Variants in INPP5F observed in about 807,000 individuals in gnomAD.
The protein encoded by INPP5F is inositol polyphosphate-5-phosphatase F.
A neutral mutation model predicts 137.2 loss-of-function variants in INPP5F; 97 were observed. That is an observed-to-expected ratio of 0.71 (90% CI 0.60 to 0.84). The LOEUF (loss-of-function observed/expected upper bound fraction) is 0.84. INPP5F is among the 40% of genes least tolerant of loss of function. The pLI, the probability that INPP5F is intolerant of heterozygous loss-of-function variation, is 0.00. For synonymous variants in INPP5F, 504 were observed against 476.9 expected (o/e 1.06, Z -0.74); for missense variants, 1,271 against 1,371.9 (o/e 0.93, Z 1.16).
intron 1 of INPP5F, among the ~76,000 whole-genome samples, chr10:119,730,698 A>T (rs1848031524): frequency 6.6e-6 from 1 of 152,218 alleles, no homozygotes; most frequent in Non-Finnish European, 1.5e-5. Flanking sequence ...AGCGACCAAG[A>T]AGAGATCTCA....
Position 119,797,643 on chromosome 10 carries a change from A to T in INPP5F, c.1048+3A>T, listed in dbSNP as rs1302090450. On this transcript the variant is annotated splice_donor_region_variant and intron_variant, in intron 8 of 19. Transcript: ENST00000650623. ...CCCAAGACCGCGGCTGGACAGAAGT[A>T]AGCAGGTCAATTATTGGGTTTGCAA... is the stretch of plus-strand genomic sequence containing the variant. 2.5e-6 allele frequency: 4 copies of T among 1,596,202 alleles called. No homozygotes were observed. Among genetic ancestry groups the T allele is most frequent in the Non-Finnish European group, 3.4e-6 (4 of 1,171,704 alleles).
chr10:119,749,229 G>A (rs1848625117), intron 1 of INPP5F, among the ~76,000 whole-genome samples: 1 of 152,182 alleles, frequency 6.6e-6, no homozygotes, highest in South Asian at 2.1e-4. Context: ...CAGGTCTGGA[G>A]CCTCTGCTGG....
At chr10:119,821,286 T>G (rs950562274) in intron 16 of INPP5F, among the ~76,000 whole-genome samples, 2 of 152,218 alleles carry the variant, frequency 1.3e-5, no homozygotes, top group Non-Finnish European at 2.9e-5. Context: ...GGTATTAAAT[T>G]ACTTACAATT....
In INPP5F at chr10:119,811,929, C is replaced by CT. The variant is rs750784026; in HGVS notation, c.1861dup (p.Trp621LeufsTer5). ...CTGATGATGAGAAGTTCCATGGGGGCTGGGCCCTCATTGACTGTGACCCTA... is the reference window on the plus strand; with the variant it reads ...CTGATGATGAGAAGTTCCATGGGGGCTTGGGCCCTCATTGACTGTGACCCTA... On this transcript the variant is annotated frameshift_variant, in exon 15 of 20. Coordinates refer to ENST00000650623, the MANE Select transcript of INPP5F (RefSeq NM_014937.4). LOFTEE classifies it high-confidence loss of function. 1 of 1,614,126 alleles carries CT rather than the reference C, an allele frequency of 6.2e-7. No individual in the cohort carries two copies. Among genetic ancestry groups the CT allele is most frequent in the Admixed American group, 1.7e-5 (1 of 60,024 alleles).
chr10:119,766,115 C>T (rs1037815323), intron 2 of INPP5F, among the ~76,000 whole-genome samples: 2 of 151,896 alleles, frequency 1.3e-5, no homozygotes, highest in South Asian at 4.2e-4. Flanking sequence ...GCCTGATAAC[C>T]AGGAGCACTG....
chr10:119,812,093 G>A (rs1851060927), intron 15 of INPP5F, 138 bp downstream of exon 15: 2 of 653,682 alleles, frequency 3.1e-6, no homozygotes, highest in African/African-American at 1.8e-5. Context: ...AGCTGGTAGT[G>A]AGGCAAGCTG....
chr10:119,728,532 T>A (rs1405728309), intron 1 of INPP5F, among the ~76,000 whole-genome samples: 2 of 152,210 alleles, frequency 1.3e-5, no homozygotes, highest in East Asian at 1.9e-4. Flanking sequence ...TTCCTACTGG[T>A]TATTTAGCTG....
chr10:119,821,975 T>C (rs777717668), intron 16 of INPP5F, among the ~76,000 whole-genome samples: 5 of 149,310 alleles, frequency 3.3e-5, no homozygotes. Flanking sequence ...TTCAAGTGAT[T>C]CTCCTCCTGG....
At chr10:119,775,010 A>G (rs982352389) in intron 2 of INPP5F, among the ~76,000 whole-genome samples, 9 of 152,090 alleles carry the variant, frequency 5.9e-5, no homozygotes, top group African/African-American at 2.2e-4. Flanking sequence ...AAAAAAAACT[A>G]AACTAAGTAA....
intron 17 of INPP5F, 106 bp from the exon 18 acceptor site, chr10:119,822,965 G>A: frequency 3.6e-6 from 4 of 1,098,008 alleles, no homozygotes; most frequent in Non-Finnish European, 5.2e-6. Flanking sequence ...TATTTTGTGT[G>A]CTGTCATTTA....
In INPP5F at chr10:119,828,028, A is replaced by C. The variant is rs1851842143; in HGVS notation, c.*248A>C. 16 of 346,616 alleles carry C rather than the reference A, an allele frequency of 4.6e-5. No individual in the cohort carries two copies. In the South Asian group the frequency reaches 6.6e-4, roughly 14 times the overall value. 21.5% of individuals were successfully genotyped at this position (346,616 alleles called of 1,614,324 possible). ...CAGAGCACTTTGCTTATTTGAAAGTAATTCAGCAACAGGTCACTTTGGGAT... is the reference window on the plus strand; with the variant it reads ...CAGAGCACTTTGCTTATTTGAAAGTCATTCAGCAACAGGTCACTTTGGGAT... On this transcript the variant is annotated 3_prime_UTR_variant, in exon 20 of 20. Coordinates refer to ENST00000650623, the MANE Select transcript of INPP5F (RefSeq NM_014937.4).
At chr10:119,767,814 A>G (rs7098196) in intron 2 of INPP5F, among the ~76,000 whole-genome samples, 1 of 152,240 alleles carries the variant, frequency 6.6e-6, no homozygotes, top group African/African-American at 2.4e-5. Context: ...TTCAAAAATA[A>G]CAAAATGTTC....
intron 6 of INPP5F, among the ~76,000 whole-genome samples, chr10:119,795,258 G>GA (rs1244725015): frequency 2.0e-5 from 3 of 149,182 alleles, no homozygotes; most frequent in Non-Finnish European, 3.0e-5. Context: ...GCGGGGGGCT[G>GA]ACCCCCCTAC....
rs555678967 is a variant in INPP5F at position 119,788,963 on chromosome 10, C to T, written c.316-2554C>T. Among the ~76,000 whole-genome samples, 23 of 152,266 alleles carry T rather than the reference C, an allele frequency of 1.5e-4. No individual in the cohort carries two copies. In the East Asian group the frequency reaches 3.5e-3, roughly 23 times the overall value. The stretch of plus-strand genomic sequence containing the variant: ...TTTGTTGGCCGGGCGCAGTGGCTCA[C>T]GCCTATAATCCCAGCACTTCGGGAG... On this transcript the variant is annotated intron_variant, in intron 3 of 19. Coordinates refer to ENST00000650623, the MANE Select transcript of INPP5F (RefSeq NM_014937.4).
chr10:119,769,300 A>G (rs1057166471), intron 2 of INPP5F, among the ~76,000 whole-genome samples: 1 of 152,000 alleles, frequency 6.6e-6, no homozygotes, highest in Admixed American at 6.6e-5. Flanking sequence ...AATTTTATTT[A>G]TATTTATTTA....
chr10:119,755,845 A>G (rs908247048), intron 2 of INPP5F, among the ~76,000 whole-genome samples: 10 of 152,208 alleles, frequency 6.6e-5, no homozygotes, highest in African/African-American at 2.4e-4. Flanking sequence ...AAACTCACAT[A>G]AAGTGAGTTC....
At chr10:119,732,120 C>T (rs1282172689) in intron 1 of INPP5F, among the ~76,000 whole-genome samples, 5 of 149,384 alleles carry the variant, frequency 3.3e-5, no homozygotes, top group East Asian at 2.0e-4. Flanking sequence ...ACTGCAACCT[C>T]GGCCTCCAGG....
chr10:119,785,767 G>C (rs916895831), intron 3 of INPP5F, among the ~76,000 whole-genome samples: 1 of 152,112 alleles, frequency 6.6e-6, no homozygotes, highest in African/African-American at 2.4e-5. Context: ...GCTGAGGCAG[G>C]AGGATTACTT....
chr10:119,784,013 TCTTTC>T (rs1849793443), intron 3 of INPP5F, among the ~76,000 whole-genome samples: 1 of 152,260 alleles, frequency 6.6e-6, no homozygotes, highest in African/African-American at 2.4e-5. Context: ...TGCCATTTTT[TCTTTC>T]CTTTTAATCC....
Sources: gnomAD v4.1 joint callset for allele counts (sites outside exome capture counted in the v4.1 genomes callset) on GRCh38, gnomAD v4.1.1 for gene constraint, MANE v1.5 for transcripts, NCBI Gene and HGNC (gene_info 2026-07-23, HGNC 2026-07-21) for gene names.